The following JAZF1 variants were observed in gnomAD, a reference collection of about 807,000 sequenced individuals.
The protein encoded by JAZF1 is JAZF zinc finger 1, also known as juxtaposed with another zinc finger protein 1.
In JAZF1, 8 loss-of-function variants were observed where a neutral mutation model predicts 26.4. The observed-to-expected ratio is 0.30, with a 90% CI of 0.18 to 0.55. The LOEUF is 0.55. JAZF1 is among the 20% of genes least tolerant of loss of function. JAZF1 has a pLI of 0.94. For missense variants in JAZF1, 199 were observed against 322.0 expected, an observed-to-expected ratio of 0.62 and a Z score of 2.92; for synonymous variants, 126 against 122.3, an observed-to-expected ratio of 1.03 and a Z score of -0.20.
intron 1 of JAZF1, among the ~76,000 whole-genome samples, chr7:28,049,027 T>G (rs1286947687): frequency 1.6e-5 from 1 of 60,616 alleles, no homozygotes; most frequent in East Asian, 5.3e-4. Context: ...CTCCCTTCCC[T>G]TCCCCTCCCC....
intron 3 of JAZF1, among the ~76,000 whole-genome samples, chr7:27,879,213 T>C (rs944690356): frequency 3.9e-5 from 6 of 152,228 alleles, no homozygotes; most frequent in African/African-American, 1.4e-4. Context: ...ATGTGATTTG[T>C]CCTATGTGTA....
chr7:27,927,156 T>C (rs1784614012), intron 2 of JAZF1, among the ~76,000 whole-genome samples: 1 of 152,186 alleles, frequency 6.6e-6, no homozygotes, highest in Non-Finnish European at 1.5e-5. Context: ...GCACAGGAGA[T>C]CCAGGAGCTG....
intron 1 of JAZF1, among the ~76,000 whole-genome samples, chr7:28,039,752 A>G (rs1000005943): frequency 2.6e-5 from 4 of 152,206 alleles, no homozygotes; most frequent in African/African-American, 9.6e-5. Context: ...ACTTTAATTT[A>G]AAATTCAACG....
intron 4 of JAZF1, among the ~76,000 whole-genome samples, chr7:27,837,801 C>T (rs1782846454): frequency 6.6e-6 from 1 of 152,176 alleles, no homozygotes; most frequent in Admixed American, 6.5e-5. Context: ...TCAGCAGCAG[C>T]AGATGCAGGA....
chr7:28,165,018 A>G (rs1783345000), intron 1 of JAZF1, among the ~76,000 whole-genome samples: 1 of 152,008 alleles, frequency 6.6e-6, no homozygotes, highest in Admixed American at 6.5e-5. Context: ...AAAATATAAA[A>G]ATCAGTCAGG....
intron 3 of JAZF1, among the ~76,000 whole-genome samples, chr7:27,853,861 G>A (rs1482595639): frequency 2.6e-5 from 4 of 152,196 alleles, no homozygotes; most frequent in Non-Finnish European, 5.9e-5. Context: ...TTGATTTGGG[G>A]TGAAGAGTTC....
At chr7:27,997,825 C>T (rs563238582) in intron 1 of JAZF1, among the ~76,000 whole-genome samples, 8 of 152,076 alleles carry the variant, frequency 5.3e-5, no homozygotes, top group East Asian at 3.9e-4. Context: ...CCTCTTGCCT[C>T]GGCCTCCCAA....
chr7:27,949,234 T>A (rs1277102043), intron 2 of JAZF1, among the ~76,000 whole-genome samples: 1 of 152,150 alleles, frequency 6.6e-6, no homozygotes, highest in Non-Finnish European at 1.5e-5. Context: ...AGGGAAGGAT[T>A]TGCGATGCAA....
intron 1 of JAZF1, among the ~76,000 whole-genome samples, chr7:28,122,803 C>A (rs376296530): frequency 2.4e-4 from 36 of 152,222 alleles, no homozygotes; most frequent in African/African-American, 8.2e-4. Flanking sequence ...AGATACATCC[C>A]AATTTGGAAA....
intron 1 of JAZF1, among the ~76,000 whole-genome samples, chr7:28,160,844 T>C (rs538637773): frequency 2.0e-5 from 3 of 152,318 alleles, no homozygotes; most frequent in East Asian, 3.9e-4. Context: ...CAGCTTCTAA[T>C]TGTCAAGAAG....
chr7:27,965,823 T>G (rs1045227115), intron 2 of JAZF1, among the ~76,000 whole-genome samples: 50 of 152,314 alleles, frequency 3.3e-4, no homozygotes, highest in Admixed American at 6.5e-4. Flanking sequence ...TTGTTTCAAT[T>G]TAACTTCTGA....
At chr7:27,912,311 C>T (rs990236500) in intron 2 of JAZF1, among the ~76,000 whole-genome samples, 5 of 152,152 alleles carry the variant, frequency 3.3e-5, no homozygotes, top group Admixed American at 2.6e-4. Flanking sequence ...TACTGTGTAA[C>T]CAAAAACACC....
intron 2 of JAZF1, among the ~76,000 whole-genome samples, chr7:27,959,568 C>A (rs1355296303): frequency 6.6e-6 from 1 of 152,182 alleles, no homozygotes; most frequent in Non-Finnish European, 1.5e-5. Context: ...TATACAGTAA[C>A]CATTCTCCAT....
At chr7:27,924,866 A>G (rs1177979248) in intron 2 of JAZF1, among the ~76,000 whole-genome samples, 1 of 152,236 alleles carries the variant, frequency 6.6e-6, no homozygotes, top group African/African-American at 2.4e-5. Context: ...CTCTGTAAGT[A>G]AGCACAAGTC....
chr7:28,130,393 T>C (rs762494975), intron 1 of JAZF1, among the ~76,000 whole-genome samples: 23 of 152,202 alleles, frequency 1.5e-4, no homozygotes, highest in Non-Finnish European at 3.1e-4. Flanking sequence ...TAGGGAGTGG[T>C]TGAAAAATAA....
chr7:27,878,279 TGAAGA>T (rs926393563), intron 3 of JAZF1, among the ~76,000 whole-genome samples: 4 of 152,196 alleles, frequency 2.6e-5, no homozygotes, highest in African/African-American at 9.6e-5. Flanking sequence ...TCTACACTTA[TGAAGA>T]GATGAGCCTA....
At chr7:28,033,442 G>A (rs1276873832) in intron 1 of JAZF1, among the ~76,000 whole-genome samples, 2 of 152,192 alleles carry the variant, frequency 1.3e-5, no homozygotes, top group East Asian at 3.9e-4. Context: ...GGGTACGCTC[G>A]AGCTGCACAT....
At chr7:28,057,092 T>G (rs1400805643) in intron 1 of JAZF1, among the ~76,000 whole-genome samples, 1 of 152,204 alleles carries the variant, frequency 6.6e-6, no homozygotes, top group Non-Finnish European at 1.5e-5. Flanking sequence ...TCCATCATGC[T>G]GTGACCCTCA....
At chr7:28,090,784 T>A in intron 1 of JAZF1, among the ~76,000 whole-genome samples, 1 of 151,762 alleles carries the variant, frequency 6.6e-6, no homozygotes, top group East Asian at 1.9e-4. Flanking sequence ...AAGCTCTTAT[T>A]TTTTTTTCTA....
Sources: gnomAD v4.1 joint callset for allele counts (sites outside exome capture counted in the v4.1 genomes callset) on GRCh38, gnomAD v4.1.1 for gene constraint, MANE v1.5 for transcripts, NCBI Gene and HGNC (gene_info 2026-07-23, HGNC 2026-07-21) for gene names.